The following CPNE4 variants were observed in gnomAD, a reference collection of about 807,000 sequenced individuals.
CPNE4 encodes the protein copine-4.
In CPNE4, 25 loss-of-function variants were observed where a neutral mutation model predicts 67.9. The observed-to-expected ratio is 0.37, with a 90% confidence interval of 0.27 to 0.51. The LOEUF (loss-of-function observed/expected upper bound fraction) is 0.51, where lower values mean the gene tolerates loss of function less well. Ranked by LOEUF, CPNE4 falls within the 20% of genes least tolerant of loss-of-function variation. CPNE4 has a pLI of 0.93. For synonymous variants in CPNE4, 242 were observed against 244.9 expected (o/e 0.99, Z 0.11); for missense variants, 464 against 690.8 (o/e 0.67, Z 3.68).
intron 3 of CPNE4, among the ~76,000 whole-genome samples, chr3:131,705,006 A>T (rs1156588678): frequency 6.6e-6 from 1 of 152,062 alleles, no homozygotes; most frequent in Non-Finnish European, 1.5e-5. Context: ...GATCATGCAC[A>T]TACACGAACT....
intron 2 of CPNE4, among the ~76,000 whole-genome samples, chr3:131,800,750 T>C (rs1324412910): frequency 5.3e-5 from 8 of 152,126 alleles, no homozygotes. Flanking sequence ...AGGTTTGGAA[T>C]AAGCAAGTGA....
chr3:131,681,180 C>T (rs1343179160), intron 6 of CPNE4, among the ~76,000 whole-genome samples: 1 of 152,172 alleles, frequency 6.6e-6, no homozygotes, highest in Non-Finnish European at 1.5e-5. Context: ...AGTTTACACA[C>T]CACAATTAGA....
chr3:131,994,703 G>A lies in CPNE4; in HGVS notation c.-2+39864C>T, dbSNP rs2073244992. Reference sequence around the variant, plus strand: ...TTAAAGCAAGTAATTACTTAAAATAGCACCTACTCCTCCCAAAGGACGTAA... The same window carrying A: ...TTAAAGCAAGTAATTACTTAAAATAACACCTACTCCTCCCAAAGGACGTAA... On this transcript the variant is annotated intron_variant, in intron 1 of 15. Transcript: ENST00000429747. Among the ~76,000 whole-genome samples, 3 of 152,102 alleles carry A rather than the reference G, an allele frequency of 2.0e-5. No homozygotes were observed. In the South Asian group the frequency reaches 6.2e-4, roughly 32 times the overall value.
At chr3:131,703,378 G>T (rs1198555987) in intron 3 of CPNE4, among the ~76,000 whole-genome samples, 3 of 152,184 alleles carry the variant, frequency 2.0e-5, no homozygotes, top group African/African-American at 7.2e-5. Context: ...TTCAACAAAA[G>T]GGTGAAGTGT....
At chr3:131,810,259 G>A (rs551015799) in intron 2 of CPNE4, among the ~76,000 whole-genome samples, 3 of 151,956 alleles carry the variant, frequency 2.0e-5, no homozygotes, top group African/African-American at 7.2e-5. Flanking sequence ...AAAATGAAGA[G>A]GTAGCCTCTG....
At chr3:131,795,155 G>A (rs1183427423) in intron 2 of CPNE4, among the ~76,000 whole-genome samples, 1 of 152,134 alleles carries the variant, frequency 6.6e-6, no homozygotes, top group Non-Finnish European at 1.5e-5. Flanking sequence ...AAAATCTAGA[G>A]CTCTTTCCGT....
intron 1 of CPNE4, among the ~76,000 whole-genome samples, chr3:131,938,917 T>A (rs947436295): frequency 1.3e-5 from 2 of 152,124 alleles, no homozygotes; most frequent in Admixed American, 1.3e-4. Context: ...TGTAGCATAT[T>A]ATTAAATCCA....
At chr3:131,612,411 G>A (rs1463601805) in intron 7 of CPNE4, among the ~76,000 whole-genome samples, 1 of 152,124 alleles carries the variant, frequency 6.6e-6, no homozygotes, top group Non-Finnish European at 1.5e-5. Flanking sequence ...TGTGAATATT[G>A]AAGCTACTAT....
chr3:131,954,709 T>C (rs1463091584), intron 1 of CPNE4, among the ~76,000 whole-genome samples: 1 of 152,170 alleles, frequency 6.6e-6, no homozygotes, highest in East Asian at 1.9e-4. Flanking sequence ...AATGTTCTCA[T>C]TGTTTAATTC....
chr3:131,798,913 A>G (rs1251285903), intron 2 of CPNE4, among the ~76,000 whole-genome samples: 1 of 152,178 alleles, frequency 6.6e-6, no homozygotes, highest in African/African-American at 2.4e-5. Context: ...ACTTTTTAAA[A>G]AAAACCACAA....
chr3:131,720,535 C>T (rs544267302), intron 3 of CPNE4, among the ~76,000 whole-genome samples: 47 of 152,256 alleles, frequency 3.1e-4, no homozygotes, highest in Admixed American at 2.0e-3. Flanking sequence ...CCGCCTGCCT[C>T]GGCTTCCCAA....
At chr3:131,913,262 C>T (rs776398445) in intron 1 of CPNE4, among the ~76,000 whole-genome samples, 7 of 152,176 alleles carry the variant, frequency 4.6e-5, no homozygotes, top group Non-Finnish European at 7.3e-5. Flanking sequence ...ACACCTGAAA[C>T]TGGTGATCAG....
chr3:131,998,741 C>T lies in CPNE4; in HGVS notation c.-2+35826G>A, dbSNP rs544716990. Among the ~76,000 whole-genome samples, 6 of 152,076 alleles carry T rather than the reference C, an allele frequency of 3.9e-5. No homozygotes were observed. In the East Asian group the frequency reaches 7.7e-4, roughly 20 times the overall value. ...AATGAAAAGATGGGTAAGGTTTTAG[C>T]CATTGAGATTTTATTTGTTCATTCT... On this transcript the variant is annotated intron_variant, in intron 1 of 15. Transcript: ENST00000429747.
chr3:132,010,391 A>C (rs2073726371), intron 1 of CPNE4, among the ~76,000 whole-genome samples: 1 of 151,766 alleles, frequency 6.6e-6, no homozygotes, highest in African/African-American at 2.4e-5. Context: ...CAAACGCTTC[A>C]ATAATCTGAG....
intron 7 of CPNE4, among the ~76,000 whole-genome samples, chr3:131,658,794 A>C (rs77575773): frequency 0.076 from 11,614 of 152,226 alleles, 979 homozygotes; most frequent in East Asian, 0.29. Context: ...TTCCTAAGAG[A>C]CAGGTCTCTT....
At chr3:131,821,815 C>T (rs2084970428) in intron 2 of CPNE4, among the ~76,000 whole-genome samples, 1 of 152,186 alleles carries the variant, frequency 6.6e-6, no homozygotes, top group Non-Finnish European at 1.5e-5. Flanking sequence ...CAAATCCCTT[C>T]CTGCTTCCCA....
chr3:131,748,337 T>TAA, intron 2 of CPNE4, among the ~76,000 whole-genome samples: 1 of 152,078 alleles, frequency 6.6e-6, no homozygotes, highest in Non-Finnish European at 1.5e-5. Flanking sequence ...TCTTTTTATA[T>TAA]AATGCTGAAT....
At chr3:131,843,398 C>T (rs1180107010) in intron 2 of CPNE4, among the ~76,000 whole-genome samples, 10 of 152,228 alleles carry the variant, frequency 6.6e-5, no homozygotes, top group Non-Finnish European at 1.0e-4. Flanking sequence ...CTCTTATTTA[C>T]ACACTACAGG....
At chr3:131,951,564 TC>T (rs1205797590) in intron 1 of CPNE4, among the ~76,000 whole-genome samples, 1 of 147,332 alleles carries the variant, frequency 6.8e-6, no homozygotes, top group East Asian at 1.9e-4. Flanking sequence ...TCCCTCTCTT[TC>T]CACGGTCTCC....
Sources: gnomAD v4.1 joint callset for allele counts (sites outside exome capture counted in the v4.1 genomes callset) on GRCh38, gnomAD v4.1.1 for gene constraint, MANE v1.5 for transcripts, NCBI Gene and HGNC (gene_info 2026-07-23, HGNC 2026-07-21) for gene names.